The following SUMF1 variants were observed in gnomAD, a reference collection of about 807,000 sequenced individuals.
The protein encoded by SUMF1 is formylglycine-generating enzyme.
Under a neutral mutation model 47.6 loss-of-function variants are expected in SUMF1, and 48 were observed. The ratio of observed to expected loss-of-function variants is 1.01; its 90% CI spans 0.80 to 1.28. The LOEUF is 1.28. SUMF1 is among the 50% of genes most tolerant of loss of function. The pLI, the probability that SUMF1 is intolerant of heterozygous loss-of-function variation, is 0.00. For synonymous variants in SUMF1, 230 were observed against 192.1 expected (o/e 1.20, Z -1.63); for missense variants, 571 against 485.4 (o/e 1.18, Z -1.66).
At chr3:4,231,556 C>G (rs748091756) in intron 8 of SUMF1, among the ~76,000 whole-genome samples, 8 of 152,126 alleles carry the variant, frequency 5.3e-5, no homozygotes, top group Non-Finnish European at 1.0e-4. Flanking sequence ...GAGCAGGTCA[C>G]AGAGGTATCT....
chr3:4,231,121 C>T (rs537204935), intron 8 of SUMF1, among the ~76,000 whole-genome samples: 26 of 152,142 alleles, frequency 1.7e-4, no homozygotes, highest in African/African-American at 4.6e-4. Flanking sequence ...TGACAAAAAG[C>T]GAAATTTTCC....
chr3:4,107,932 C>T (rs1693195584), intron 8 of SUMF1, among the ~76,000 whole-genome samples: 1 of 151,150 alleles, frequency 6.6e-6, no homozygotes, highest in Non-Finnish European at 1.5e-5. Flanking sequence ...GTGGTATTTT[C>T]TGTGATAAGT....
intron 8 of SUMF1, among the ~76,000 whole-genome samples, chr3:4,090,080 A>C (rs1692751630): frequency 1.3e-5 from 2 of 152,160 alleles, no homozygotes. Flanking sequence ...TATTCCCAGC[A>C]CTAGCACAGT....
At chr3:4,246,096 G>A (rs753429546) in intron 8 of SUMF1, among the ~76,000 whole-genome samples, 3 of 152,168 alleles carry the variant, frequency 2.0e-5, no homozygotes, top group Non-Finnish European at 4.4e-5. Flanking sequence ...CTGGTCTTCC[G>A]GTTGTGAAGA....
At chr3:4,244,608 T>C (rs1237309775) in intron 8 of SUMF1, among the ~76,000 whole-genome samples, 1 of 152,166 alleles carries the variant, frequency 6.6e-6, no homozygotes, top group Non-Finnish European at 1.5e-5. Context: ...GCTTGTAGGG[T>C]TTCTGCAGAG....
chr3:4,237,233 T>C (rs1696429598), intron 8 of SUMF1, among the ~76,000 whole-genome samples: 1 of 152,124 alleles, frequency 6.6e-6, no homozygotes, highest in African/African-American at 2.4e-5. Context: ...GCTGTACCAT[T>C]TTGCATTTCT....
intron 8 of SUMF1, among the ~76,000 whole-genome samples, chr3:4,089,375 A>T (rs1302415969): frequency 6.6e-6 from 1 of 152,196 alleles, no homozygotes. Context: ...AGAAAACAGG[A>T]TGAAGAATGT....
At chr3:4,290,083 A>G (rs959279884) in intron 8 of SUMF1, among the ~76,000 whole-genome samples, 1 of 152,224 alleles carries the variant, frequency 6.6e-6, no homozygotes, top group Admixed American at 6.5e-5. Context: ...AATTTAAATT[A>G]TGCTGGGTTG....
chr3:4,311,774 A>G (rs113560945), intron 8 of SUMF1, among the ~76,000 whole-genome samples: 1,705 of 152,236 alleles, frequency 0.011, 22 homozygotes, highest in African/African-American at 0.038. Context: ...CATTTATCTT[A>G]CCTGTTTATA....
chr3:4,194,003 T>C (rs1420624094), intron 8 of SUMF1, among the ~76,000 whole-genome samples: 6 of 152,244 alleles, frequency 3.9e-5, no homozygotes, highest in African/African-American at 1.4e-4. Context: ...AACAATTCAA[T>C]GAAAGTAATT....
At chr3:4,130,179 A>AAAGC (rs1559495247) in intron 8 of SUMF1, among the ~76,000 whole-genome samples, 1 of 152,014 alleles carries the variant, frequency 6.6e-6, no homozygotes, top group Non-Finnish European at 1.5e-5. Context: ...TTGGAGAATG[A>AAAGC]CAGTGGATTA....
chr3:4,296,921 C>T (rs310705), intron 8 of SUMF1, among the ~76,000 whole-genome samples: 24,852 of 152,002 alleles, frequency 0.16, 2,363 homozygotes, highest in South Asian at 0.37. Flanking sequence ...TAATGTGAAT[C>T]GAAAAAGAGA....
chr3:4,401,397 T>G (rs1701207411), intron 7 of SUMF1, among the ~76,000 whole-genome samples: 1 of 152,150 alleles, frequency 6.6e-6, no homozygotes, highest in African/African-American at 2.4e-5. Context: ...CACACTGTCT[T>G]CCACAATGGT....
At chr3:4,293,579 G>A (rs1251913025) in intron 8 of SUMF1, among the ~76,000 whole-genome samples, 3 of 152,126 alleles carry the variant, frequency 2.0e-5, no homozygotes, top group African/African-American at 7.2e-5. Context: ...CTATTATTCA[G>A]TTCCCTCACT....
intron 8 of SUMF1, among the ~76,000 whole-genome samples, chr3:4,168,604 A>T (rs1286330644): frequency 6.6e-6 from 1 of 152,218 alleles, no homozygotes. Context: ...TTATGTGTAC[A>T]TATTACATTT....
intron 7 of SUMF1, among the ~76,000 whole-genome samples, chr3:4,377,124 C>T (rs1358796022): frequency 2.0e-5 from 3 of 151,986 alleles, no homozygotes; most frequent in East Asian, 1.9e-4. Flanking sequence ...TTTATAATCC[C>T]GCTGTGTAAT....
rs1039691514 is a variant in SUMF1 at position 4,290,250 on chromosome 3, A to C, written c.1014+86080T>G. Among the ~76,000 whole-genome samples, 5 of 152,216 alleles carry C rather than the reference A, an allele frequency of 3.3e-5. No individual in the cohort carries two copies. In the South Asian group the frequency reaches 8.3e-4, roughly 25 times the overall value. ...TTACAACTGCCTATGTACTCGTTAT[A>C]ACTTGAACATAAATTTCTCTTAGAT... On this transcript the variant is annotated intron_variant and NMD_transcript_variant, in intron 8 of 12. Coordinates refer to the SUMF1 transcript ENST00000448413.
At chr3:4,427,246 G>A (rs532643000) in intron 3 of SUMF1, among the ~76,000 whole-genome samples, 1 of 152,288 alleles carries the variant, frequency 6.6e-6, no homozygotes, top group South Asian at 2.1e-4. Flanking sequence ...ATTTAGACAA[G>A]CAAATTTAAA....
At chr3:4,064,819 C>G (rs1391867428) in intron 9 of SUMF1, among the ~76,000 whole-genome samples, 1 of 152,122 alleles carries the variant, frequency 6.6e-6, no homozygotes, top group African/African-American at 2.4e-5. Context: ...TACGCTTCAG[C>G]CATATTTTAA....
Sources: allele counts gnomAD v4.1 joint callset (sites outside exome capture counted in the v4.1 genomes callset), GRCh38; gene constraint gnomAD v4.1.1; transcripts MANE v1.5; gene names NCBI Gene and HGNC (gene_info 2026-07-23, HGNC 2026-07-21).